Variants in TOM1L2 observed in about 807,000 individuals in gnomAD.
TOM1L2 encodes target of myb1 like 2 membrane trafficking protein, also known as TOM1-like protein 2.
Under a neutral mutation model 67.9 loss-of-function variants are expected in TOM1L2, and 31 were observed. The ratio of observed to expected loss-of-function variants is 0.46; its 90% CI spans 0.34 to 0.62. TOM1L2 has a LOEUF of 0.62. TOM1L2 is among the 20% of genes least tolerant of loss of function. The pLI, the probability that TOM1L2 is intolerant of heterozygous loss-of-function variation, is 0.01. For synonymous variants in TOM1L2, 256 were observed against 254.0 expected (o/e 1.01, Z -0.07); for missense variants, 606 against 663.5 (o/e 0.91, Z 0.95).
intron 1 of TOM1L2, among the ~76,000 whole-genome samples, chr17:17,955,441 C>A (rs1271764933): frequency 6.7e-6 from 1 of 149,968 alleles, no homozygotes; most frequent in Non-Finnish European, 1.5e-5. Context: ...CGGGTTCAAG[C>A]GATTCTCCAG....
At chr17:17,927,857 G>T (rs1217882695) in intron 1 of TOM1L2, among the ~76,000 whole-genome samples, 3 of 151,902 alleles carry the variant, frequency 2.0e-5, no homozygotes, top group African/African-American at 7.3e-5. Flanking sequence ...TACAGCCAGG[G>T]TTTCACTATG....
chr17:17,933,643 G>A (rs1230692466), intron 1 of TOM1L2, among the ~76,000 whole-genome samples: 2 of 152,088 alleles, frequency 1.3e-5, no homozygotes, highest in Non-Finnish European at 2.9e-5. Context: ...CTTATGCAGA[G>A]GTCTAGATCT....
At chr17:17,887,815 G>A (rs117850964) in intron 4 of TOM1L2, among the ~76,000 whole-genome samples, 23 of 152,204 alleles carry the variant, frequency 1.5e-4, no homozygotes, top group South Asian at 8.3e-4. Context: ...TCTCTCACCC[G>A]TGTACAGAGA....
chr17:17,851,073 C>CA (rs1245113246), intron 12 of TOM1L2, 121 bp from the exon 13 acceptor site: 19 of 1,047,970 alleles, frequency 1.8e-5, no homozygotes, highest in Non-Finnish European at 1.3e-5. Context: ...GTACACAGAG[C>CA]AAAAAAACAC....
intron 2 of TOM1L2, among the ~76,000 whole-genome samples, chr17:17,905,880 C>T (rs2039071854): frequency 6.6e-6 from 1 of 152,052 alleles, no homozygotes; most frequent in Non-Finnish European, 1.5e-5. Context: ...TATCTGGGTC[C>T]CCAGTATGTC....
intron 1 of TOM1L2, among the ~76,000 whole-genome samples, chr17:17,931,743 G>A (rs1005613109): frequency 6.4e-4 from 98 of 152,290 alleles, no homozygotes; most frequent in African/African-American, 2.3e-3. Flanking sequence ...GGTTCAGAAC[G>A]CAAAGCTCCT....
At chr17:17,928,525 C>G (rs1449235528) in intron 1 of TOM1L2, among the ~76,000 whole-genome samples, 1 of 152,234 alleles carries the variant, frequency 6.6e-6, no homozygotes, top group Non-Finnish European at 1.5e-5. Context: ...AGGCGACACC[C>G]TCCCTTTAAC....
intron 1 of TOM1L2, among the ~76,000 whole-genome samples, chr17:17,926,368 C>T (rs138342385): frequency 2.6e-3 from 401 of 152,158 alleles, no homozygotes; most frequent in African/African-American, 9.2e-3. Context: ...CCAGGGTACC[C>T]AGCTAGTTAA....
intron 2 of TOM1L2, among the ~76,000 whole-genome samples, chr17:17,902,484 G>A (rs2038902168): frequency 6.6e-6 from 1 of 152,262 alleles, no homozygotes; most frequent in African/African-American, 2.4e-5. Flanking sequence ...TCCAAGCTGT[G>A]CTGCAAGGCC....
chr17:17,938,160 G>A (rs2040584393), intron 1 of TOM1L2, among the ~76,000 whole-genome samples: 1 of 152,246 alleles, frequency 6.6e-6, no homozygotes, highest in South Asian at 2.1e-4. Flanking sequence ...AAATGAGAGG[G>A]AGGCAGTTAG....
At chr17:17,909,860 T>C (rs1464080514) in intron 1 of TOM1L2, among the ~76,000 whole-genome samples, 1 of 152,028 alleles carries the variant, frequency 6.6e-6, no homozygotes, top group Non-Finnish European at 1.5e-5. Flanking sequence ...AAGACATTGT[T>C]TCTACAAAAA....
chr17:17,891,873 G>A (rs149987323), intron 4 of TOM1L2, among the ~76,000 whole-genome samples: 1 of 151,558 alleles, frequency 6.6e-6, no homozygotes, highest in African/African-American at 2.4e-5. Context: ...CAGGGACGAG[G>A]GACAACCCTA....
At chr17:17,882,083 G>C (rs1407876527) in intron 6 of TOM1L2, among the ~76,000 whole-genome samples, 2 of 152,180 alleles carry the variant, frequency 1.3e-5, no homozygotes, top group Admixed American at 6.5e-5. Flanking sequence ...AACTGCATTA[G>C]TTTATCAGGA....
Position 17,847,784 on chromosome 17 carries a change from C to G in TOM1L2, c.1376-1G>C. On this transcript the variant is annotated splice_acceptor_variant, in intron 14 of 14. Transcript: ENST00000379504. LOFTEE classifies it high-confidence loss of function. ...CTTTCTTCAAGGAATTTATCAAACT[C>G]TGCAATACAAACCAAGGCAAGGGTC... is the stretch of plus-strand genomic sequence containing the variant. 1 of 1,613,972 alleles carries G rather than the reference C, an allele frequency of 6.2e-7. No individual in the cohort carries two copies. The highest frequency in any genetic ancestry group is 1.1e-5 in the South Asian group (1 of 91,084).
At chr17:17,932,662 C>A (rs2040382225) in intron 1 of TOM1L2, among the ~76,000 whole-genome samples, 2 of 152,140 alleles carry the variant, frequency 1.3e-5, no homozygotes, top group African/African-American at 4.8e-5. Flanking sequence ...CCAGACAGAA[C>A]TACATGCAAA....
At chr17:17,866,987 T>A in intron 8 of TOM1L2, 63 bp from the exon 9 acceptor site, 1 of 1,497,308 alleles carries the variant, frequency 6.7e-7, no homozygotes, top group Non-Finnish European at 9.3e-7. Context: ...CCCTGTGGGG[T>A]GCTCACTAGT....
intron 12 of TOM1L2, chr17:17,857,742 G>A (rs2036322627): frequency 2.0e-6 from 3 of 1,533,110 alleles, no homozygotes; most frequent in Non-Finnish European, 2.6e-6. Context: ...GTGGACAGCA[G>A]GCTTGGCTCG....
intron 1 of TOM1L2, among the ~76,000 whole-genome samples, chr17:17,910,783 G>C (rs1476249069): frequency 6.6e-6 from 1 of 152,080 alleles, no homozygotes; most frequent in Non-Finnish European, 1.5e-5. Context: ...TGGCCAGACT[G>C]GTCTCGAACT....
chr17:17,936,404 C>T (rs2040517071), intron 1 of TOM1L2, among the ~76,000 whole-genome samples: 1 of 152,126 alleles, frequency 6.6e-6, no homozygotes, highest in African/African-American at 2.4e-5. Context: ...AAAAACTAAG[C>T]ATATGTAAAG....
Sources: allele counts gnomAD v4.1 joint callset (sites outside exome capture counted in the v4.1 genomes callset), GRCh38; gene constraint gnomAD v4.1.1; transcripts MANE v1.5; gene names NCBI Gene and HGNC (gene_info 2026-07-23, HGNC 2026-07-21).